PHF11: variants seen among roughly 807,000 people sequenced by gnomAD.
PHF11 encodes the protein BRCA1 C-terminus-associated protein.
In PHF11, 38 loss-of-function variants were observed where a neutral mutation model predicts 40.5. The ratio of observed to expected loss-of-function variants is 0.94; its 90% CI spans 0.72 to 1.23. PHF11 has a LOEUF of 1.23. Ranked by LOEUF, PHF11 falls within the 50% of genes most tolerant of loss-of-function variation. The probability of loss-of-function intolerance (pLI) is 0.00; values close to 1 mark genes in which losing one functional copy is unlikely to be tolerated. For synonymous variants in PHF11, 127 were observed against 138.2 expected (o/e 0.92, Z 0.57); for missense variants, 369 against 392.4 (o/e 0.94, Z 0.50).
chr13:49,527,244 T>C (rs1959344260), intron 9 of PHF11: 1 of 152,148 alleles, frequency 6.6e-6, no homozygotes, highest in African/African-American at 2.4e-5. Context: ...CCTCCACTTG[T>C]TTATGAGTCT....
chr13:49,497,253 T>G, intron 1 of PHF11: 4 of 1,202,714 alleles, frequency 3.3e-6, no homozygotes, highest in Non-Finnish European at 4.4e-6. Flanking sequence ...TCCTGACCTC[T>G]TCCTCAAACT....
At chr13:49,520,224 T>A (rs1213429800) in intron 4 of PHF11, among the ~76,000 whole-genome samples, 1 of 152,130 alleles carries the variant, frequency 6.6e-6, no homozygotes, top group Admixed American at 6.5e-5. Flanking sequence ...AATTTTTGTA[T>A]TTTTAGTAGA....
intron 8 of PHF11, chr13:49,526,168 C>CAAAAAAA (rs10573458): frequency 1.6e-4 from 55 of 340,936 alleles, no homozygotes; most frequent in Middle Eastern, 8.3e-4. Context: ...GATTCTGTCT[C>CAAAAAAA]AAAAAAAAAA....
At chr13:49,504,797 G>A (rs1467775256) in intron 1 of PHF11, among the ~76,000 whole-genome samples, 3 of 151,924 alleles carry the variant, frequency 2.0e-5, no homozygotes, top group African/African-American at 7.2e-5. Context: ...GGAAAAGATT[G>A]AGAAATCGGA....
At chr13:49,515,262 C>G (rs924807779) in intron 3 of PHF11, among the ~76,000 whole-genome samples, 1 of 152,030 alleles carries the variant, frequency 6.6e-6, no homozygotes, top group Admixed American at 6.6e-5. Context: ...ATACATGGCA[C>G]ACACCCAGGG....
intron 8 of PHF11, 193 bp from the exon 9 acceptor site, chr13:49,526,194 A>G (rs1959267613): frequency 1.9e-6 from 1 of 521,942 alleles, no homozygotes; most frequent in South Asian, 2.4e-5. Context: ...AAAAAAAGAA[A>G]AAAGAGAAAT....
intron 2 of PHF11, among the ~76,000 whole-genome samples, chr13:49,506,962 G>GGC (rs1477110622): frequency 3.3e-4 from 44 of 132,750 alleles, no homozygotes; most frequent in Middle Eastern, 5.6e-3. Flanking sequence ...GGAGTGTGGT[G>GGC]GCGCAATCTT....
At position 49,523,952 on chromosome 13, in the gene PHF11, G is replaced by C. The variant is rs535133323; in HGVS notation, c.638-133G>C. On this transcript the variant is annotated intron_variant, in intron 7 of 9. Transcript: ENST00000378319. ...TGATGAAATTATAATTAATAAAAAG[G>C]GTGAAGGTGCTGTATTATTTTACTA... is the stretch of plus-strand genomic sequence containing the variant. The C allele has an allele frequency of 2.3e-4, 120 of 521,540 alleles. 1 individual carries two copies. The highest frequency in any genetic ancestry group is 6.2e-5 in the Non-Finnish European group (19 of 305,518). 32.3% of individuals were successfully genotyped at this position (521,540 alleles called of 1,614,324 possible).
rs747359297 is a variant in PHF11 at position 49,524,236 on chromosome 13, T to G, written c.769+20T>G. ...AATCAGGTACTGATGAAGAGCAATA[T>G]TTCGAAGTATAGAGACTTCTCCCAG... On this transcript the variant is annotated intron_variant, in intron 8 of 9. Coordinates refer to ENST00000378319, the MANE Select transcript of PHF11 (RefSeq NM_001040443.3). The G allele has an allele frequency of 1.3e-6, 2 of 1,584,348 alleles. No homozygotes were observed.
Position 49,520,299 on chromosome 13 carries a change from G to A in PHF11, c.459-595G>A, listed in dbSNP as rs138465928. On this transcript the variant is annotated intron_variant, in intron 4 of 9. Transcript: ENST00000378319. Reference sequence around the variant, plus strand: ...CTTGACCTCGTGATCTGCCCGCCTCGGCCTCCCAAAATGCTGGGATTACAG... The same window carrying A: ...CTTGACCTCGTGATCTGCCCGCCTCAGCCTCCCAAAATGCTGGGATTACAG... Among the ~76,000 whole-genome samples, 924 of 152,094 alleles carry A rather than the reference G, an allele frequency of 6.1e-3. 5 individuals carry two copies. The highest frequency in any genetic ancestry group is 0.02 in the African/African-American group (832 of 41,470).
chr13:49,506,823 T>C (rs767604404), intron 2 of PHF11, 67 bp downstream of exon 2: 19 of 1,048,446 alleles, frequency 1.8e-5, no homozygotes, highest in Non-Finnish European at 2.1e-5. Flanking sequence ...TAAGAATAGA[T>C]AAACAACACT....
chr13:49,504,773 G>T (rs912365892), intron 1 of PHF11, among the ~76,000 whole-genome samples: 7 of 151,786 alleles, frequency 4.6e-5, no homozygotes, highest in Admixed American at 3.9e-4. Context: ...GGAATAGAAA[G>T]GGGGGAAAGG....
At chr13:49,498,083 G>C (rs914469489) in intron 1 of PHF11, among the ~76,000 whole-genome samples, 1 of 152,154 alleles carries the variant, frequency 6.6e-6, no homozygotes, top group East Asian at 1.9e-4. Context: ...TTTAATGCCT[G>C]TCTCTACCAC....
At chr13:49,496,326 G>A in intron 1 of PHF11, 2 of 956,220 alleles carry the variant, frequency 2.1e-6, no homozygotes, top group Non-Finnish European at 2.7e-6. Context: ...TCCACAGGTG[G>A]CTCTGACTGC....
Position 49,519,002 on chromosome 13 carries a change from A to G in PHF11, c.458+851A>G, listed in dbSNP as rs569203769. ...AGGCGCCCGCTACCACGCCCGGCTA[A>G]TTTTTTGTATTTTTAGTAGAGACGG... On this transcript the variant is annotated intron_variant, in intron 4 of 9. Transcript: ENST00000378319. Among the ~76,000 whole-genome samples, 27 of 151,630 alleles carry G rather than the reference A, an allele frequency of 1.8e-4. No individual in the cohort carries two copies. The South Asian group carries it at 5.5e-3, about 31-fold the overall frequency.
At chr13:49,503,113 T>G (rs1380354762) in intron 1 of PHF11, among the ~76,000 whole-genome samples, 4 of 152,198 alleles carry the variant, frequency 2.6e-5, no homozygotes, top group Non-Finnish European at 5.9e-5. Flanking sequence ...TCTCAAATCC[T>G]TTCCCAGCTT....
chr13:49,496,394 C>T (rs1594193779), intron 1 of PHF11: 2 of 1,125,664 alleles, frequency 1.8e-6, no homozygotes, highest in East Asian at 9.2e-5. Context: ...CGGGTGACAG[C>T]CCAGTGCTTC....
intron 5 of PHF11, chr13:49,521,394 T>TG: frequency 2.0e-6 from 2 of 987,702 alleles, no homozygotes; most frequent in Non-Finnish European, 2.4e-6. Flanking sequence ...CATTCATGAG[T>TG]GGAACAGCAG....
At chr13:49,507,560 T>C (rs112049377) in intron 2 of PHF11, among the ~76,000 whole-genome samples, 1 of 152,350 alleles carries the variant, frequency 6.6e-6, no homozygotes, top group African/African-American at 2.4e-5. Flanking sequence ...GTTTTGTACT[T>C]GACTAAATAC....
Sources: gnomAD v4.1 joint callset for allele counts (sites outside exome capture counted in the v4.1 genomes callset) on GRCh38, gnomAD v4.1.1 for gene constraint, MANE v1.5 for transcripts, NCBI Gene and HGNC (gene_info 2026-07-23, HGNC 2026-07-21) for gene names.